PPM1N: variants seen among roughly 807,000 people sequenced by gnomAD.
PPM1N encodes the protein protein phosphatase, Mg2+/Mn2+ dependent 1N (putative).
A neutral mutation model predicts 32.6 loss-of-function variants in PPM1N; 35 were observed. The ratio of observed to expected loss-of-function variants is 1.07; its 90% CI spans 0.82 to 1.43. The LOEUF is 1.43. PPM1N is among the 40% of genes most tolerant of loss of function. The pLI is 0.00. For missense variants in PPM1N, 648 were observed against 606.6 expected, an observed-to-expected ratio of 1.07 and a Z score of -0.72; for synonymous variants, 275 against 270.5, an observed-to-expected ratio of 1.02 and a Z score of -0.16.
Position 45,499,195 on chromosome 19 carries a change from T to G in PPM1N, c.723T>G (p.Ala241=), listed in dbSNP as rs138348201. ...TGGGCGACTTTACCTACAAGGAGGC[T>G]CCGGGGAGGCCCCCCGAGCTACAGC... The part of the protein sequence containing the change: ...RALGDFTYKE[A]PGRPPELQLV... Residue 241 remains alanine, a synonymous_variant, in exon 1 of 5, where the codon GCT becomes GCG. Coordinates refer to ENST00000451287, the MANE Select transcript of PPM1N (RefSeq NM_001080401.2). 2.9e-3 allele frequency: 4,578 copies of G among 1,553,322 alleles called. 92 individuals are homozygous for G. In the African/African-American group the frequency reaches 0.052, roughly 18 times the overall value.
rs1968386384 is a variant in PPM1N, at chr19:45,500,047, C to T, written c.1038C>T (p.Ala346=). 11 of 1,596,194 alleles carry T rather than the reference C, an allele frequency of 6.9e-6. No individual in the cohort carries two copies. Among genetic ancestry groups the T allele is most frequent in the African/African-American group, 1.3e-5 (1 of 74,632 alleles). ...GGAGGGAGCTAGCACTGGACGCAGC[C>T]CTGGGCTGCAGAATCGCTGGTGAGC... ...AIRRELALDA[A]LGCRIAELCA... Residue 346 remains alanine, a synonymous_variant, in exon 2 of 5, where the codon GCC becomes GCT. Coordinates refer to ENST00000451287, the MANE Select transcript of PPM1N (RefSeq NM_001080401.2).
rs760813077 is a variant in PPM1N at position 45,500,473 on chromosome 19, C to T, written c.1075C>T (p.Gln359Ter). The T allele has an allele frequency of 3.7e-6, 6 of 1,609,170 alleles. No homozygotes were observed. The South Asian group carries it at 6.7e-5, about 18-fold the overall frequency. The change falls in exon 3 of 5, where the codon CAG (glutamine) becomes TAG (stop). Residue 359 changes from glutamine (Q) to a stop codon, truncating the protein, a stop_gained. Coordinates refer to ENST00000451287, the MANE Select transcript of PPM1N (RefSeq NM_001080401.2). LOFTEE classifies it high-confidence loss of function. ...CRIAELCASA[Q>*]KPPSLNTVFR... ...TTTCTCAGAACTGTGTGCCTCTGCT[C>T]AGAAGCCCCCCAGCCTGAACACAGT... is the stretch of plus-strand genomic sequence containing the variant.
intron 3 of PPM1N, 21 bp from the exon 4 acceptor site, chr19:45,500,629 G>A (rs752335686): frequency 3.8e-6 from 6 of 1,597,798 alleles, no homozygotes; most frequent in Non-Finnish European, 5.1e-6. Flanking sequence ...CCCCTCCTGA[G>A]GGCCTTCCTG....
chr19:45,501,916 G>T lies in PPM1N; in HGVS notation c.1225-101G>T, dbSNP rs921514559. 7.8e-6 allele frequency: 6 copies of T among 769,654 alleles called. No individual in the cohort carries two copies. In the South Asian group the frequency reaches 1.4e-4, roughly 19 times the overall value. The allele number at this position is 769,654 out of a possible 1,614,324, so 47.7% of individuals were successfully genotyped here. A position where few individuals can be genotyped will look rare whatever the true frequency, so the allele number is the denominator to read the frequency against. ...GGTCCACTCCATTCAAACCTTAATGGATTGTGAGATGGGATATGGTGGTCC... is the reference window on the plus strand; with the variant it reads ...GGTCCACTCCATTCAAACCTTAATGTATTGTGAGATGGGATATGGTGGTCC... On this transcript the variant is annotated intron_variant, in intron 4 of 4. Transcript: ENST00000451287.
chr19:45,501,879 A>G, intron 4 of PPM1N, 138 bp from the exon 5 acceptor site: 1 of 512,234 alleles, frequency 2.0e-6, no homozygotes. Flanking sequence ...CTGGGGTCGC[A>G]CTTGGGGTTG....
chr19:45,502,323 A>G lies in PPM1N; in HGVS notation c.*238A>G, dbSNP rs891774171. On this transcript the variant is annotated 3_prime_UTR_variant, in exon 5 of 5. Transcript: ENST00000451287. ...AGCCCAAATCGAAAAAAAAAAAAAA[A>G]AAAAAAAAAAACAAAAAAACCCAAC... 33 of 534,574 alleles carry G rather than the reference A, an allele frequency of 6.2e-5. No individual in the cohort carries two copies. Among genetic ancestry groups the G allele is most frequent in the Non-Finnish European group, 4.2e-5 (13 of 309,296 alleles). 33.1% of individuals were successfully genotyped at this position (534,574 alleles called of 1,614,324 possible). A position where few individuals can be genotyped will look rare whatever the true frequency, so the allele number is the denominator to read the frequency against.
rs557040965 is a variant in PPM1N at position 45,502,321 on chromosome 19, A to C, written c.*236A>C. On this transcript the variant is annotated 3_prime_UTR_variant, in exon 5 of 5. Coordinates refer to ENST00000451287, the MANE Select transcript of PPM1N (RefSeq NM_001080401.2). ...AAAGCCCAAATCGAAAAAAAAAAAA[A>C]AAAAAAAAAAAAACAAAAAAACCCA... is the stretch of plus-strand genomic sequence containing the variant. 79 of 537,662 alleles carry C rather than the reference A, an allele frequency of 1.5e-4. No homozygotes were observed. The highest frequency in any genetic ancestry group is 6.8e-4 in the African/African-American group (33 of 48,296). 33.3% of individuals were successfully genotyped at this position (537,662 alleles called of 1,614,324 possible).
chr19:45,499,230 C>T lies in PPM1N; in HGVS notation c.758C>T (p.Ala253Val). The T allele has an allele frequency of 1.9e-6, 3 of 1,587,924 alleles. No individual in the cohort carries two copies. The highest frequency in any genetic ancestry group is 1.1e-5 in the South Asian group (1 of 87,824). The change falls in exon 1 of 5, where the codon GCG becomes GTG. Residue 253 changes from alanine to valine, a missense_variant. Physicochemically the swap from Ala to Val is moderately conservative, Grantham distance 64. Transcript: ENST00000451287. ...GRPPELQLVS[A>V]EPEVAALARQ... ...CCCCCCGAGCTACAGCTCGTTTCTG[C>T]GGAGCCAGAGGTGGCCGCACTGGCA...
At position 45,502,451 on chromosome 19, in the gene PPM1N, A is replaced by G. The variant is rs1444564412; in HGVS notation, c.*366A>G. 1 of 453,316 alleles carries G rather than the reference A, an allele frequency of 2.2e-6. No individual in the cohort carries two copies. The highest frequency in any genetic ancestry group is 3.8e-5 in the East Asian group (1 of 26,102). 28.1% of individuals were successfully genotyped at this position (453,316 alleles called of 1,614,324 possible). A position where few individuals can be genotyped will look rare whatever the true frequency, so the allele number is the denominator to read the frequency against. On this transcript the variant is annotated 3_prime_UTR_variant, in exon 5 of 5. Coordinates refer to ENST00000451287, the MANE Select transcript of PPM1N (RefSeq NM_001080401.2). ...CTCATCTGTTTTTGAGGGGAAGTAG[A>G]GTTTTGATTATTAAACTTTATTTAC...
chr19:45,500,526 C>A lies in PPM1N; in HGVS notation c.1128C>A (p.Ile376=), dbSNP rs1464349216. ...TVFRTLASED[I]PDLPPGGGLD... ...TCAGGACTCTGGCCTCAGAGGACAT[C>A]CCAGATTTACCTCCTGGGGGAGGGC... Residue 376 remains isoleucine (I), a synonymous_variant, in exon 3 of 5, where the codon ATC becomes ATA. Transcript: ENST00000451287. The A allele has an allele frequency of 6.2e-7, 1 of 1,611,588 alleles. No individual in the cohort carries two copies. Among genetic ancestry groups the A allele is most frequent in the African/African-American group, 1.3e-5 (1 of 74,852 alleles).
At position 45,498,984 on chromosome 19, in the gene PPM1N, C is replaced by T; in HGVS notation, c.512C>T (p.Ser171Phe). The T allele has an allele frequency of 6.4e-7, 1 of 1,563,502 alleles. No individual in the cohort carries two copies. Residue 171 changes from serine to phenylalanine, a missense_variant, in exon 1 of 5, where the codon TCC (serine) becomes TTC (phenylalanine). Transcript: ENST00000451287. Reference sequence around the variant, plus strand: ...TGCACGGCCGTGGTGTTGCTGGTCTCCCCGCGGTTTCTGTACCTGGCGCAC... The same window carrying T: ...TGCACGGCCGTGGTGTTGCTGGTCTTCCCGCGGTTTCTGTACCTGGCGCAC... ...GGCTAVVLLV[S>F]PRFLYLAHCG... is the part of the protein sequence containing the mutation.
At position 45,499,222 on chromosome 19, in the gene PPM1N, CG is replaced by C. The variant is rs1968366182; in HGVS notation, c.751del (p.Val251PhefsTer69). Reference sequence around the variant, plus strand: ...CGGGGAGGCCCCCCGAGCTACAGCTCGTTTCTGCGGAGCCAGAGGTGGCCGC... The same window carrying C: ...CGGGGAGGCCCCCCGAGCTACAGCTCTTTCTGCGGAGCCAGAGGTGGCCGC... ...APGRPPELQLVSAEPEVAALA... is the reference protein window; with the variant it reads ...APGRPPELQLXSAEPEVAALA... On this transcript the variant is annotated frameshift_variant, in exon 1 of 5. Transcript: ENST00000451287. LOFTEE classifies it high-confidence loss of function. The C allele has an allele frequency of 6.3e-7, 1 of 1,582,584 alleles. No homozygotes were observed. Among genetic ancestry groups the C allele is most frequent in the Non-Finnish European group, 8.6e-7 (1 of 1,169,258 alleles).
rs1182242827 is a variant in PPM1N, at chr19:45,502,458, A to G, written c.*373A>G. On this transcript the variant is annotated 3_prime_UTR_variant, in exon 5 of 5. Transcript: ENST00000451287. ...GTTTTTGAGGGGAAGTAGAGTTTTG[A>G]TTATTAAACTTTATTTACATAAGTG... 1 of 444,660 alleles carries G rather than the reference A, an allele frequency of 2.2e-6. No homozygotes were observed. The highest frequency in any genetic ancestry group is 4.0e-5 in the East Asian group (1 of 25,294). 27.5% of individuals were successfully genotyped at this position (444,660 alleles called of 1,614,324 possible).
rs752849911 is a variant in PPM1N at position 45,498,543 on chromosome 19, A to T, written c.71A>T (p.Glu24Val). The T allele has an allele frequency of 9.0e-6, 13 of 1,445,600 alleles. No individual in the cohort carries two copies. The highest frequency in any genetic ancestry group is 1.2e-5 in the Non-Finnish European group (13 of 1,102,478). The allele number at this position is 1,445,600 out of a possible 1,614,324, so 89.5% of individuals were successfully genotyped here. ...TACKKKEREK[E>V]GREEEEEEEA... The stretch of plus-strand genomic sequence containing the variant: ...TGCAAGAAAAAGGAGAGGGAGAAGG[A>T]GGGGAGGGAGGAAGAGGAGGAGGAG... Residue 24 changes from glutamate (E) to valine (V), a missense_variant, in exon 1 of 5, where the codon GAG becomes GTG. Physicochemically the swap from Glu to Val is moderately radical, Grantham distance 121 (BLOSUM62 -2). Coordinates refer to ENST00000451287, the MANE Select transcript of PPM1N (RefSeq NM_001080401.2).
At position 45,498,766 on chromosome 19, in the gene PPM1N, G is replaced by C. The variant is rs1426358167; in HGVS notation, c.294G>C (p.Leu98Phe). The change falls in exon 1 of 5, where the codon TTG becomes TTC. Residue 98 changes from leucine to phenylalanine, a missense_variant. Coordinates refer to ENST00000451287, the MANE Select transcript of PPM1N (RefSeq NM_001080401.2). ...CTGGTCTGCCCCCGGGCTGGGCCTT[G>C]TTTGCCGTCCTCGACGGCCACGGTG... Reference protein sequence around the residue: ...SLPGLPPGWALFAVLDGHGGA... With the variant: ...SLPGLPPGWAFFAVLDGHGGA... 2 of 1,559,358 alleles carry C rather than the reference G, an allele frequency of 1.3e-6. No individual in the cohort carries two copies. Among genetic ancestry groups the C allele is most frequent in the Admixed American group, 3.8e-5 (2 of 52,716 alleles).
In PPM1N at chr19:45,499,156, C is replaced by A. The variant is rs772100571; in HGVS notation, c.684C>A (p.Ala228=). 50 of 1,527,536 alleles carry A rather than the reference C, an allele frequency of 3.3e-5. No homozygotes were observed. In the South Asian group the frequency reaches 6.0e-4, roughly 18 times the overall value. The allele number at this position is 1,527,536 out of a possible 1,614,324, so 94.6% of individuals were successfully genotyped here. A position where few individuals can be genotyped will look rare whatever the true frequency, so the allele number is the denominator to read the frequency against. ...GCCGCCGCGTCGAGGGCTCTCTGGC[C>A]GTGTCGCGAGCGTTGGGCGACTTTA... ...IRRRRVEGSL[A]VSRALGDFTY... Residue 228 remains alanine (A), a synonymous_variant, in exon 1 of 5, where the codon GCC becomes GCA. Transcript: ENST00000451287.
Position 45,500,032 on chromosome 19 carries a change from A to C in PPM1N, c.1023A>C (p.Leu341=). The C allele has an allele frequency of 6.2e-7, 1 of 1,601,396 alleles. No individual in the cohort carries two copies. Among genetic ancestry groups the C allele is most frequent in the Non-Finnish European group, 8.5e-7 (1 of 1,173,470 alleles). Residue 341 remains leucine (L), a synonymous_variant, in exon 2 of 5, where the codon CTA becomes CTC. Transcript: ENST00000451287. ...CTGAGGAGGCGATCAGGAGGGAGCT[A>C]GCACTGGACGCAGCCCTGGGCTGCA... ...RPSEEAIRRE[L]ALDAALGCRI... is the part of the protein sequence containing the mutation.
chr19:45,501,297 G>C (rs1239243064), intron 4 of PPM1N, among the ~76,000 whole-genome samples: 1 of 152,198 alleles, frequency 6.6e-6, no homozygotes, highest in African/African-American at 2.4e-5. Context: ...AAGCTGTAAT[G>C]GGGCCCAGAT....
chr19:45,500,478 G>GC lies in PPM1N; in HGVS notation c.1086dup (p.Ser363GlnfsTer32), dbSNP rs1168946256. The GC allele has an allele frequency of 1.9e-6, 3 of 1,609,982 alleles. No individual in the cohort carries two copies. Among genetic ancestry groups the GC allele is most frequent in the East Asian group, 2.2e-5 (1 of 44,790 alleles). ...CAGAACTGTGTGCCTCTGCTCAGAAGCCCCCCAGCCTGAACACAGTTTTCA... is the reference window on the plus strand; with the variant it reads ...CAGAACTGTGTGCCTCTGCTCAGAAGCCCCCCCAGCCTGAACACAGTTTTCA... On this transcript the variant is annotated frameshift_variant, in exon 3 of 5. Coordinates refer to ENST00000451287, the MANE Select transcript of PPM1N (RefSeq NM_001080401.2). LOFTEE classifies it high-confidence loss of function.
Sources: gnomAD v4.1 joint callset for allele counts (sites outside exome capture counted in the v4.1 genomes callset) on GRCh38, gnomAD v4.1.1 for gene constraint, MANE v1.5 for transcripts, NCBI Gene and HGNC (gene_info 2026-07-23, HGNC 2026-07-21) for gene names.